SASH1: variants seen among roughly 807,000 people sequenced by gnomAD.
SASH1 encodes the protein SAM and SH3 domain containing 1, also known as SAM and SH3 domain-containing protein 1.
In SASH1, 44 loss-of-function variants were observed where a neutral mutation model predicts 125.2. That is an observed-to-expected ratio of 0.35 (90% CI 0.28 to 0.45). The LOEUF (loss-of-function observed/expected upper bound fraction) is 0.45, where lower values mean the gene tolerates loss of function less well. SASH1 is among the 20% of genes least tolerant of loss of function. The pLI is 1.00. For missense variants in SASH1, 1,426 were observed against 1,614.5 expected, an observed-to-expected ratio of 0.88 and a Z score of 2.00; for synonymous variants, 639 against 649.1, an observed-to-expected ratio of 0.98 and a Z score of 0.24.
chr6:148,284,498 C>CA (rs1779432600), intron 1 of SASH1, among the ~76,000 whole-genome samples: 1 of 152,124 alleles, frequency 6.6e-6, no homozygotes, highest in Non-Finnish European at 1.5e-5. Context: ...TAAACAAAAA[C>CA]AAAATAACCA....
chr6:148,404,009 G>A (rs1357998944), intron 2 of SASH1, among the ~76,000 whole-genome samples: 1 of 152,066 alleles, frequency 6.6e-6, no homozygotes, highest in African/African-American at 2.4e-5. Context: ...GTCCATTACT[G>A]TATCTCTATG....
At chr6:148,225,221 T>C in the SASH1 span, among the ~76,000 whole-genome samples, 6 of 152,192 alleles carry the variant, frequency 3.9e-5, no homozygotes, top group African/African-American at 1.4e-4. Flanking sequence ...GTGTTCCTAA[T>C]TGCAATACAC....
Position 148,499,008 on chromosome 6 carries a change from C to T in SASH1, c.729+11293C>T, listed in dbSNP as rs541392699. 3.8e-4 allele frequency among the ~76,000 whole-genome samples: 58 copies of T among 151,592 alleles called. 2 individuals carry two copies. In the South Asian group the frequency reaches 0.012, roughly 31 times the overall value. On this transcript the variant is annotated intron_variant, in intron 8 of 19. Coordinates refer to ENST00000367467, the MANE Select transcript of SASH1 (RefSeq NM_015278.5). ...AGGTTGCCCTTCACTTGTTTTGAGT[C>T]CATTTGAATGTTGTCACAATTACCC...
chr6:148,231,873 A>G, the SASH1 span, among the ~76,000 whole-genome samples: 1 of 152,058 alleles, frequency 6.6e-6, no homozygotes, highest in Non-Finnish European at 1.5e-5. Context: ...GGAAGAAGAT[A>G]TAACTCTTTG....
chr6:148,536,942 T>G (rs1781881067), intron 16 of SASH1, among the ~76,000 whole-genome samples: 1 of 152,238 alleles, frequency 6.6e-6, no homozygotes, highest in Non-Finnish European at 1.5e-5. Context: ...CCCTGATAGA[T>G]AAAGTTGTAC....
At chr6:148,239,549 G>A in the SASH1 span, among the ~76,000 whole-genome samples, 1 of 152,178 alleles carries the variant, frequency 6.6e-6, no homozygotes, top group East Asian at 1.9e-4. Flanking sequence ...GCAGGCACCA[G>A]ACATGTTGAA....
At chr6:148,411,420 C>T (rs1326062242) in intron 2 of SASH1, among the ~76,000 whole-genome samples, 1 of 151,998 alleles carries the variant, frequency 6.6e-6, no homozygotes, top group Non-Finnish European at 1.5e-5. Context: ...TATATCCAGT[C>T]AACATATATT....
At chr6:148,345,175 C>T (rs753238940) in intron 1 of SASH1, among the ~76,000 whole-genome samples, 3 of 151,854 alleles carry the variant, frequency 2.0e-5, no homozygotes, top group Admixed American at 6.6e-5. Context: ...GGGCTGGGGG[C>T]GGGGAGGATT....
the SASH1 span, among the ~76,000 whole-genome samples, chr6:148,208,586 G>A: frequency 6.6e-6 from 1 of 152,124 alleles, no homozygotes; most frequent in Non-Finnish European, 1.5e-5. Flanking sequence ...ATAAATCATG[G>A]CATTTCTGTT....
intron 2 of SASH1, among the ~76,000 whole-genome samples, chr6:148,430,732 A>T (rs1410138321): frequency 6.6e-6 from 1 of 152,216 alleles, no homozygotes; most frequent in African/African-American, 2.4e-5. Flanking sequence ...ATTTTGATTC[A>T]GGAGGTCTGG....
chr6:148,500,537 C>T (rs1779522038), intron 8 of SASH1, among the ~76,000 whole-genome samples: 1 of 152,156 alleles, frequency 6.6e-6, no homozygotes, highest in Non-Finnish European at 1.5e-5. Flanking sequence ...TCTTCTGTAG[C>T]CATTTCCACT....
intron 2 of SASH1, among the ~76,000 whole-genome samples, chr6:148,398,382 C>T (rs1268465185): frequency 6.6e-6 from 1 of 152,148 alleles, no homozygotes; most frequent in African/African-American, 2.4e-5. Context: ...TCACTGACTG[C>T]TCTTTTGTTA....
At position 148,546,139 on chromosome 6, in the gene SASH1, G is replaced by A. The variant is rs148864877; in HGVS notation, c.3473G>A (p.Arg1158His). Residue 1158 changes from arginine (R) to histidine (H), a missense_variant, in exon 19 of 20, where the codon CGC becomes CAC. Coordinates refer to ENST00000367467, the MANE Select transcript of SASH1 (RefSeq NM_015278.5). ...IRVKQLRKQH[R>H]MAIPSGGLTE... ...GTGAAGCAGCTTCGGAAGCAGCACC[G>A]CATGGCGGTGAGCAGCCCACAGTTC... 6 of 1,613,854 alleles carry A rather than the reference G, an allele frequency of 3.7e-6. No homozygotes were observed. Among genetic ancestry groups the A allele is most frequent in the South Asian group, 2.2e-5 (2 of 91,038 alleles).
chr6:148,225,820 C>T, the SASH1 span, among the ~76,000 whole-genome samples: 2 of 152,198 alleles, frequency 1.3e-5, no homozygotes, highest in Non-Finnish European at 2.9e-5. Context: ...AATGAGAAAT[C>T]TATAAATATT....
intron 1 of SASH1, among the ~76,000 whole-genome samples, chr6:148,330,189 A>C (rs1780949635): frequency 6.6e-6 from 1 of 152,212 alleles, no homozygotes; most frequent in Non-Finnish European, 1.5e-5. Flanking sequence ...AATGTCATTA[A>C]TCATACGTGT....
At chr6:148,281,650 C>T (rs1306032661) in intron 1 of SASH1, among the ~76,000 whole-genome samples, 1 of 151,948 alleles carries the variant, frequency 6.6e-6, no homozygotes, top group Non-Finnish European at 1.5e-5. Flanking sequence ...AGGCCGGGCG[C>T]GGTGGCTCAC....
intron 12 of SASH1, among the ~76,000 whole-genome samples, chr6:148,528,867 A>G (rs1057149610): frequency 3.3e-5 from 5 of 151,772 alleles, no homozygotes; most frequent in African/African-American, 1.2e-4. Context: ...TAATTATACA[A>G]CTCACCATAA....
Position 148,487,729 on chromosome 6 carries a change from G to A in SASH1, c.729+14G>A. 6.4e-7 allele frequency: 1 copy of A among 1,558,592 alleles called. No homozygotes were observed. Among genetic ancestry groups the A allele is most frequent in the Non-Finnish European group, 8.8e-7 (1 of 1,130,270 alleles). Reference sequence around the variant, plus strand: ...TCAAACTGCAATGTGAGTTTATCATGTCTTTGACATCTTGATCACCTACGC... The same window carrying A: ...TCAAACTGCAATGTGAGTTTATCATATCTTTGACATCTTGATCACCTACGC... On this transcript the variant is annotated intron_variant, in intron 8 of 19. Transcript: ENST00000367467.
intron 2 of SASH1, among the ~76,000 whole-genome samples, chr6:148,437,355 TAA>T (rs1776333680): frequency 6.6e-6 from 1 of 152,128 alleles, no homozygotes; most frequent in South Asian, 2.1e-4. Flanking sequence ...CCTCGGGGGA[TAA>T]AATTAAGAAG....
Sources: gnomAD v4.1 joint callset for allele counts (sites outside exome capture counted in the v4.1 genomes callset) on GRCh38, gnomAD v4.1.1 for gene constraint, MANE v1.5 for transcripts, NCBI Gene and HGNC (gene_info 2026-07-23, HGNC 2026-07-21) for gene names.